The following LPCAT1 variants were observed in gnomAD, a reference collection of about 807,000 sequenced individuals.
LPCAT1 encodes 1-acylglycerol-3-phosphate O-acyltransferase.
Under a neutral mutation model 60.9 loss-of-function variants are expected in LPCAT1, and 23 were observed. The observed-to-expected ratio is 0.38, with a 90% CI of 0.27 to 0.53. The LOEUF (loss-of-function observed/expected upper bound fraction) is 0.53. LPCAT1 is among the 20% of genes least tolerant of loss of function. The pLI, the probability that LPCAT1 is intolerant of heterozygous loss-of-function variation, is 0.82. For synonymous variants in LPCAT1, 340 were observed against 301.1 expected, an observed-to-expected ratio of 1.13 and a Z score of -1.34; for missense variants, 622 against 723.6, an observed-to-expected ratio of 0.86 and a Z score of 1.61.
intron 13 of LPCAT1, among the ~76,000 whole-genome samples, chr5:1,466,542 C>G (rs115731682): frequency 2.1e-3 from 319 of 152,314 alleles, no homozygotes; most frequent in African/African-American, 7.4e-3. Context: ...ATCGCCAAAA[C>G]AAATCAGATT....
intron 1 of LPCAT1, among the ~76,000 whole-genome samples, chr5:1,518,060 C>G (rs928665559): frequency 2.0e-5 from 3 of 152,248 alleles, no homozygotes; most frequent in Non-Finnish European, 2.9e-5. Flanking sequence ...GCAGGGCTGA[C>G]GGACGCCTCA....
At position 1,466,827 on chromosome 5, in the gene LPCAT1, C is replaced by A; in HGVS notation, c.1342G>T (p.Ala448Ser). The change falls in exon 13 of 14, where the codon GCC (alanine) becomes TCC (serine). Residue 448 changes from alanine (A) to serine (S), a missense_variant. Physicochemically the swap from Ala to Ser is moderately conservative, Grantham distance 99 (BLOSUM62 1). Coordinates refer to ENST00000283415, the MANE Select transcript of LPCAT1 (RefSeq NM_024830.5). Reference protein sequence around the residue: ...EGDLSCILKTALGVAELTVTD... With the variant: ...EGDLSCILKTSLGVAELTVTD... ...ACGGTGAGCTCTGCCACCCCCAGGGCCGTCTTGAGGATGCAGGACAGGTCA... is the reference window on the plus strand; with the variant it reads ...ACGGTGAGCTCTGCCACCCCCAGGGACGTCTTGAGGATGCAGGACAGGTCA... 6.2e-7 allele frequency: 1 copy of A among 1,613,542 alleles called. No individual in the cohort carries two copies. The highest frequency in any genetic ancestry group is 8.5e-7 in the Non-Finnish European group (1 of 1,179,636).
intron 1 of LPCAT1, among the ~76,000 whole-genome samples, chr5:1,509,170 G>A (rs116261647): frequency 0.068 from 10,386 of 152,342 alleles, 416 homozygotes; most frequent in Middle Eastern, 0.14. Flanking sequence ...CCGGAGACTC[G>A]AAGGCCGCGA....
chr5:1,511,799 C>T (rs911483253), intron 1 of LPCAT1, among the ~76,000 whole-genome samples: 12 of 152,220 alleles, frequency 7.9e-5, no homozygotes, highest in African/African-American at 2.9e-4. Flanking sequence ...GGAGGTCCAT[C>T]GAGCAGCCTC....
intron 13 of LPCAT1, among the ~76,000 whole-genome samples, chr5:1,464,182 C>G (rs1734228605): frequency 6.6e-6 from 1 of 152,216 alleles, no homozygotes; most frequent in South Asian, 2.1e-4. Context: ...AGGGACAAGA[C>G]CAAGTGTCTG....
intron 1 of LPCAT1, among the ~76,000 whole-genome samples, chr5:1,508,146 C>T (rs1203171741): frequency 2.0e-5 from 3 of 152,146 alleles, no homozygotes; most frequent in Admixed American, 2.0e-4. Context: ...TCGGGAGGCA[C>T]CTCGTCTGTG....
chr5:1,465,685 C>T (rs1248981082), intron 13 of LPCAT1, among the ~76,000 whole-genome samples: 1 of 151,788 alleles, frequency 6.6e-6, no homozygotes, highest in Non-Finnish European at 1.5e-5. Context: ...TGGAAACAAG[C>T]ATGCACATGC....
rs1438291309 is a variant in LPCAT1, at chr5:1,523,734, G to A, written c.111C>T (p.Arg37=). 1.7e-6 allele frequency: 2 copies of A among 1,175,928 alleles called. No homozygotes were observed. The highest frequency in any genetic ancestry group is 2.3e-5 in the South Asian group (1 of 44,134). The allele number at this position is 1,175,928 out of a possible 1,614,324, so 72.8% of individuals were successfully genotyped here. ...PGRNPFVHEL[R]LSALQKAQVA... is the part of the protein sequence containing the mutation. ...CCTGGGCCTTCTGCAGGGCGCTGAG[G>A]CGCAGCTCGTGCACGAAGGGGTTCC... Residue 37 remains arginine, a synonymous_variant, in exon 1 of 14, where the codon CGC becomes CGT. Coordinates refer to ENST00000283415, the MANE Select transcript of LPCAT1 (RefSeq NM_024830.5). The surrounding 1 kb of genome is among the most constrained non-coding windows in gnomAD (Gnocchi z 7.1).
At chr5:1,511,683 C>T (rs1736361612) in intron 1 of LPCAT1, among the ~76,000 whole-genome samples, 1 of 152,222 alleles carries the variant, frequency 6.6e-6, no homozygotes, top group African/African-American at 2.4e-5. Flanking sequence ...CTCTCTTGAA[C>T]ACAGAGCTGC....
chr5:1,509,137 G>C (rs1276786462), intron 1 of LPCAT1, among the ~76,000 whole-genome samples: 1 of 152,392 alleles, frequency 6.6e-6, no homozygotes, highest in East Asian at 1.9e-4. Flanking sequence ...GGGGTGGAGG[G>C]GAGGCTGCCC....
chr5:1,503,950 C>T (rs770954274), intron 1 of LPCAT1, among the ~76,000 whole-genome samples: 42 of 152,332 alleles, frequency 2.8e-4, no homozygotes, highest in Non-Finnish European at 5.3e-4. Flanking sequence ...TCTAAACCTA[C>T]GTTGCCAGAT....
intron 2 of LPCAT1, 57 bp downstream of exon 2, chr5:1,501,404 A>C (rs1735997754): frequency 6.5e-7 from 1 of 1,549,306 alleles, no homozygotes; most frequent in South Asian, 1.2e-5. Context: ...ATGGGTTCCC[A>C]CTGTTTGGCC....
At chr5:1,469,994 T>C (rs1385780611) in intron 12 of LPCAT1, among the ~76,000 whole-genome samples, 1 of 152,208 alleles carries the variant, frequency 6.6e-6, no homozygotes, top group Non-Finnish European at 1.5e-5. Flanking sequence ...AGCCACCTTT[T>C]CATGTGGGGA....
At chr5:1,501,694 G>A (rs1736015656) in intron 1 of LPCAT1, 91 bp from the exon 2 acceptor site, 6 of 1,316,344 alleles carry the variant, frequency 4.6e-6, no homozygotes, top group African/African-American at 2.9e-5. Flanking sequence ...GGGACAGCGC[G>A]CCCCACAGAG....
In LPCAT1 at chr5:1,481,509, G is replaced by C. The variant is rs905468227; in HGVS notation, c.727-533C>G. 6.6e-6 allele frequency among the ~76,000 whole-genome samples: 1 copy of C among 152,238 alleles called. No homozygotes were observed. Among genetic ancestry groups the C allele is most frequent in the Non-Finnish European group, 1.5e-5 (1 of 68,042 alleles). Reference sequence around the variant, plus strand: ...CTTCAGCCTCAGTGCCGCCGGGCAGGGACCACACAGCAGGGGCCGTGACGG... The same window carrying C: ...CTTCAGCCTCAGTGCCGCCGGGCAGCGACCACACAGCAGGGGCCGTGACGG... On this transcript the variant is annotated intron_variant, in intron 6 of 13. Coordinates refer to ENST00000283415, the MANE Select transcript of LPCAT1 (RefSeq NM_024830.5). The surrounding 1 kb of genome is among the most constrained non-coding windows in gnomAD (Gnocchi z 7.8).
chr5:1,500,918 G>C (rs1273658098), intron 2 of LPCAT1, among the ~76,000 whole-genome samples: 1 of 152,222 alleles, frequency 6.6e-6, no homozygotes, highest in Admixed American at 6.5e-5. Flanking sequence ...CTCTGCATGG[G>C]GGCCACTGAG....
chr5:1,490,653 A>G (rs1735542358), intron 3 of LPCAT1, among the ~76,000 whole-genome samples: 1 of 152,092 alleles, frequency 6.6e-6, no homozygotes, highest in South Asian at 2.1e-4. Flanking sequence ...TAACCATGGC[A>G]CCCCACAGCC....
At chr5:1,520,392 C>A (rs1325419409) in intron 1 of LPCAT1, among the ~76,000 whole-genome samples, 1 of 152,200 alleles carries the variant, frequency 6.6e-6, no homozygotes, top group African/African-American at 2.4e-5. Context: ...CAACCCTCAT[C>A]ATAATCCTCT....
Position 1,481,230 on chromosome 5 carries a change from C to T in LPCAT1, c.727-254G>A, listed in dbSNP as rs1242409132. On this transcript the variant is annotated intron_variant, in intron 6 of 13. Coordinates refer to ENST00000283415, the MANE Select transcript of LPCAT1 (RefSeq NM_024830.5). This position sits in a 1 kb window ranked among gnomAD's most constrained non-coding sequence, Gnocchi z 7.8. ...CACCACCTTACAGGTCCCCAGAGTT[C>T]CCCCAAGATCCCCAGAGTCCCTGAG... Among the ~76,000 whole-genome samples the T allele has an allele frequency of 1.3e-5, 2 of 152,096 alleles. No individual in the cohort carries two copies. Among genetic ancestry groups the T allele is most frequent in the African/African-American group, 4.8e-5 (2 of 41,406 alleles).
Sources: gnomAD v4.1 joint callset for allele counts (sites outside exome capture counted in the v4.1 genomes callset) on GRCh38, gnomAD v4.1.1 for gene constraint, Gnocchi (gnomAD v3.1) non-coding constraint, MANE v1.5 for transcripts, NCBI Gene and HGNC (gene_info 2026-07-23, HGNC 2026-07-21) for gene names.